The following CDH18 variants were observed in gnomAD, a reference collection of about 807,000 sequenced individuals.
The protein encoded by CDH18 is cadherin-18.
CDH18 carries 31 observed loss-of-function variants against 67.9 expected under a neutral mutation model. The observed-to-expected ratio is 0.46, with a 90% CI of 0.34 to 0.62. The LOEUF is 0.62. Among genes scored for constraint, CDH18 ranks in the 20% least tolerant of loss-of-function variants. CDH18 has a pLI of 0.01. For missense variants in CDH18, 890 were observed against 975.5 expected, an observed-to-expected ratio of 0.91 and a Z score of 1.17; for synonymous variants, 362 against 347.2, an observed-to-expected ratio of 1.04 and a Z score of -0.48.
intron 1 of CDH18, among the ~76,000 whole-genome samples, chr5:20,308,079 CTTTTTTTTTT>C (rs759117114): frequency 1.2e-5 from 1 of 85,436 alleles, no homozygotes; most frequent in Non-Finnish European, 2.2e-5. Context: ...AATACTACTG[CTTTTTTTTTT>C]TTTTTTTTTT....
intron 2 of CDH18, among the ~76,000 whole-genome samples, chr5:20,178,619 G>A (rs1422754193): frequency 2.0e-5 from 3 of 149,556 alleles, no homozygotes; most frequent in African/African-American, 7.4e-5. Context: ...AAAGTAATAA[G>A]TGTCCTGCTT....
intron 2 of CDH18, among the ~76,000 whole-genome samples, chr5:20,095,565 A>AAGAAAGG (rs1156740528): frequency 8.5e-4 from 9 of 10,568 alleles, no homozygotes; most frequent in Middle Eastern, 0.045. Context: ...GAAAGAAAGG[A>AAGAAAGG]AAGAAAGGAA....
intron 1 of CDH18, among the ~76,000 whole-genome samples, chr5:20,344,248 T>A (rs1315840554): frequency 2.0e-5 from 3 of 152,178 alleles, no homozygotes; most frequent in Admixed American, 2.0e-4. Context: ...CTAAATACAG[T>A]CAAAGAGGTT....
intron 1 of CDH18, among the ~76,000 whole-genome samples, chr5:20,270,163 A>G (rs934314467): frequency 1.3e-5 from 2 of 152,118 alleles, no homozygotes; most frequent in African/African-American, 2.4e-5. Flanking sequence ...TTGTTTAAAA[A>G]AAAAAGAATA....
At chr5:20,368,703 G>A (rs922960877) in intron 1 of CDH18, among the ~76,000 whole-genome samples, 4 of 152,142 alleles carry the variant, frequency 2.6e-5, no homozygotes, top group Non-Finnish European at 5.9e-5. Context: ...GGCACAAAAA[G>A]CAAAGCATGA....
At chr5:19,873,255 T>C (rs1029888350) in intron 2 of CDH18, among the ~76,000 whole-genome samples, 1 of 150,058 alleles carries the variant, frequency 6.7e-6, no homozygotes, top group Non-Finnish European at 1.5e-5. Flanking sequence ...AGAGAAAGCA[T>C]GGTTCAGCTT....
intron 2 of CDH18, among the ~76,000 whole-genome samples, chr5:19,953,304 T>C (rs764837618): frequency 7.2e-5 from 11 of 152,238 alleles, no homozygotes; most frequent in Non-Finnish European, 1.2e-4. Flanking sequence ...ATGTTAAGAC[T>C]GAATAATAAA....
intron 1 of CDH18, among the ~76,000 whole-genome samples, chr5:20,419,070 G>A (rs1747598033): frequency 6.6e-6 from 1 of 151,980 alleles, no homozygotes; most frequent in African/African-American, 2.4e-5. Flanking sequence ...TGTTGTGGGT[G>A]GGACCCATGC....
At chr5:19,807,085 T>C (rs1444838636) in intron 3 of CDH18, among the ~76,000 whole-genome samples, 1 of 152,114 alleles carries the variant, frequency 6.6e-6, no homozygotes, top group Non-Finnish European at 1.5e-5. Context: ...ATAGAAAAGG[T>C]ACAGTAGCTC....
intron 1 of CDH18, among the ~76,000 whole-genome samples, chr5:20,383,677 A>G (rs1744092423): frequency 6.6e-6 from 1 of 152,194 alleles, no homozygotes; most frequent in African/African-American, 2.4e-5. Context: ...TTATACCAAA[A>G]TGCCTTTTTG....
chr5:19,915,854 G>A (rs543649158), intron 2 of CDH18, among the ~76,000 whole-genome samples: 2 of 152,014 alleles, frequency 1.3e-5, no homozygotes, highest in Non-Finnish European at 2.9e-5. Flanking sequence ...GCCTGGTCCA[G>A]CGACCAGATC....
intron 1 of CDH18, among the ~76,000 whole-genome samples, chr5:20,479,799 G>A (rs2150252783): frequency 6.6e-6 from 1 of 152,116 alleles, no homozygotes; most frequent in Admixed American, 6.5e-5. Flanking sequence ...GGGTTCCAGA[G>A]CACCAAGTAT....
chr5:20,095,533 G>A (rs561313616), intron 2 of CDH18, among the ~76,000 whole-genome samples: 160 of 123,230 alleles, frequency 1.3e-3, no homozygotes, highest in Admixed American at 2.2e-3. Flanking sequence ...AAGGAAGGAA[G>A]GAAAGAAGGA....
intron 1 of CDH18, among the ~76,000 whole-genome samples, chr5:20,534,405 T>G (rs996073123): frequency 6.6e-6 from 1 of 152,068 alleles, no homozygotes; most frequent in African/African-American, 2.4e-5. Context: ...AAATAATATA[T>G]TTTTGAAATG....
At chr5:19,768,921 A>C (rs1289405628) in intron 3 of CDH18, among the ~76,000 whole-genome samples, 1 of 152,066 alleles carries the variant, frequency 6.6e-6, no homozygotes, top group Non-Finnish European at 1.5e-5. Flanking sequence ...TAATAATGGA[A>C]ATTGAAAACT....
intron 1 of CDH18, among the ~76,000 whole-genome samples, chr5:20,528,063 G>C (rs907213241): frequency 6.6e-6 from 1 of 152,094 alleles, no homozygotes; most frequent in African/African-American, 2.4e-5. Flanking sequence ...AGGGATGGAG[G>C]AAAATTTACC....
chr5:20,482,569 T>C (rs1156660454), intron 1 of CDH18, among the ~76,000 whole-genome samples: 1 of 152,080 alleles, frequency 6.6e-6, no homozygotes, highest in Non-Finnish European at 1.5e-5. Flanking sequence ...AAAAAGATAA[T>C]TTATTATGAC....
chr5:20,547,769 G>A (rs1420103438), intron 1 of CDH18, among the ~76,000 whole-genome samples: 1 of 152,102 alleles, frequency 6.6e-6, no homozygotes, highest in East Asian at 1.9e-4. Flanking sequence ...TCCTAGATGA[G>A]TAGGAAGACT....
chr5:20,353,936 AG>A (rs1162298493), intron 1 of CDH18, among the ~76,000 whole-genome samples: 1 of 152,184 alleles, frequency 6.6e-6, no homozygotes, highest in Non-Finnish European at 1.5e-5. Flanking sequence ...TTGTTCTTAA[AG>A]GCTTCTCGGT....
Sources: allele counts gnomAD v4.1 joint callset (sites outside exome capture counted in the v4.1 genomes callset), GRCh38; gene constraint gnomAD v4.1.1; transcripts MANE v1.5; gene names NCBI Gene and HGNC (gene_info 2026-07-23, HGNC 2026-07-21).